The following KCNK17 variants were observed in gnomAD, a reference collection of about 807,000 sequenced individuals.
KCNK17 encodes the protein potassium channel subfamily K member 17.
Under a neutral mutation model 24.6 loss-of-function variants are expected in KCNK17, and 27 were observed. That is an observed-to-expected ratio of 1.10 (90% CI 0.81 to 1.51). The LOEUF (loss-of-function observed/expected upper bound fraction) is 1.51. Ranked by LOEUF, KCNK17 falls within the 40% of genes most tolerant of loss-of-function variation. The pLI is 0.00. For missense variants in KCNK17, 450 were observed against 436.6 expected (o/e 1.03, Z -0.27); for synonymous variants, 181 against 189.8 (o/e 0.95, Z 0.38).
Position 39,304,496 on chromosome 6 carries a change from T to G in KCNK17, c.512A>C (p.Gln171Pro), listed in dbSNP as rs1369456069. Reference protein sequence around the residue: ...HWASRLGGTWQDPDKARWLAG... With the variant: ...HWASRLGGTWPDPDKARWLAG... ...CACCCCGTCCAGCAGCCCCCTCACC[T>G]GCCAGGTGCCCCCCAGCCTGCTGGC... Residue 171 changes from glutamine to proline, a missense_variant and splice_region_variant, in exon 3 of 5, where the codon CAG (glutamine) becomes CCG (proline). Physicochemically the swap from Gln to Pro is moderately conservative, Grantham distance 76. Transcript: ENST00000373231. 5 of 1,611,636 alleles carry G rather than the reference T, an allele frequency of 3.1e-6. No individual in the cohort carries two copies. The highest frequency in any genetic ancestry group is 4.2e-6 in the Non-Finnish European group (5 of 1,177,878).
rs1761914031 is a variant in KCNK17 at position 39,299,547 on chromosome 6, T to A, written c.879A>T (p.Gly293=). The A allele has an allele frequency of 3.1e-6, 5 of 1,614,132 alleles. No individual in the cohort carries two copies. The highest frequency in any genetic ancestry group is 4.2e-6 in the Non-Finnish European group (5 of 1,180,010). ...EDFKSQSWRQ[G]PDREPESHSP... is the part of the protein sequence containing the mutation. ...AGTGGGACTCTGGCTCCCGGTCAGG[T>A]CCCTGTCTCCAGCTTTGGGACTTGA... Residue 293 remains glycine (G), a synonymous_variant, in exon 5 of 5, where the codon GGA becomes GGT. Coordinates refer to ENST00000373231, the MANE Select transcript of KCNK17 (RefSeq NM_031460.4).
rs1205781074 is a variant in KCNK17 at position 39,314,168 on chromosome 6, G to A, written c.153C>T (p.Ser51=). The change falls in exon 1 of 5, where the codon TCC becomes TCT. Residue 51 remains serine (S), a synonymous_variant. Transcript: ENST00000373231. ...ACTTGTCGCGCTGGAAGCTGCGGCT[G>A]GAGTCCTGCGCCGCGCGGCCCTCCA... is the stretch of plus-strand genomic sequence containing the variant. ...WTLEGRAAQD[S]SRSFQRDKWE... The A allele has an allele frequency of 1.3e-6, 2 of 1,566,230 alleles. No homozygotes were observed. Among genetic ancestry groups the A allele is most frequent in the South Asian group, 2.3e-5 (2 of 85,978 alleles).
intron 2 of KCNK17, among the ~76,000 whole-genome samples, chr6:39,310,352 T>C (rs1040356755): frequency 6.6e-6 from 1 of 151,814 alleles, no homozygotes; most frequent in African/African-American, 2.4e-5. Flanking sequence ...AGGGGGCTGT[T>C]TGCAAGCTGA....
intron 2 of KCNK17, among the ~76,000 whole-genome samples, chr6:39,305,642 T>A (rs1305348629): frequency 6.6e-6 from 1 of 152,222 alleles, no homozygotes; most frequent in Non-Finnish European, 1.5e-5. Context: ...TCTTGTCTTA[T>A]TAAAATGCAA....
Position 39,314,119 on chromosome 6 carries a change from A to G in KCNK17, c.202T>C (p.Cys68Arg). Residue 68 changes from cysteine to arginine, a missense_variant, in exon 1 of 5, where the codon TGT becomes CGT. Physicochemically the swap from Cys to Arg is radical, Grantham distance 180. Transcript: ENST00000373231. The part of the protein sequence containing the change: ...DKWELLQNFT[C>R]LDRPALDSLI... ...GAGTCCAGCGCCGGGCGGTCCAGAC[A>G]CGTGAAGTTCTGCAACAGCTCCCAC... is the stretch of plus-strand genomic sequence containing the variant. The G allele has an allele frequency of 6.3e-7, 1 of 1,597,520 alleles. No individual in the cohort carries two copies. Among genetic ancestry groups the G allele is most frequent in the Non-Finnish European group, 8.5e-7 (1 of 1,174,978 alleles).
At chr6:39,312,681 C>T (rs376641109) in intron 1 of KCNK17, among the ~76,000 whole-genome samples, 3 of 152,202 alleles carry the variant, frequency 2.0e-5, no homozygotes, top group African/African-American at 7.2e-5. Context: ...CAGTGCTTGG[C>T]ACACGATAAG....
intron 1 of KCNK17, among the ~76,000 whole-genome samples, chr6:39,312,094 C>G (rs999682814): frequency 6.6e-6 from 1 of 152,116 alleles, no homozygotes; most frequent in African/African-American, 2.4e-5. Context: ...CCAGGAGGAA[C>G]AGAGAGGAGA....
rs185083103 is a variant in KCNK17, at chr6:39,303,941, C to T, written c.688+16G>A. On this transcript the variant is annotated intron_variant, in intron 4 of 4. Coordinates refer to ENST00000373231, the MANE Select transcript of KCNK17 (RefSeq NM_031460.4). Reference sequence around the variant, plus strand: ...AGCCGAATGTCCCCGCCAGCCCAACCGCCAGGAACTCTCACCAATCACGTA... The same window carrying T: ...AGCCGAATGTCCCCGCCAGCCCAACTGCCAGGAACTCTCACCAATCACGTA... The T allele has an allele frequency of 2.7e-4, 433 of 1,608,710 alleles. 2 individuals carry two copies. The African/African-American group carries it at 5.4e-3, about 20-fold the overall frequency.
Position 39,299,348 on chromosome 6 carries a change from T to C in KCNK17, c.*79A>G, listed in dbSNP as rs1017997076. ...TCTAGGGTGGATGGAAAATGTAGTC[T>C]TTAGTTTGGGTGGACATGTGCAAAG... On this transcript the variant is annotated 3_prime_UTR_variant, in exon 5 of 5. Coordinates refer to ENST00000373231, the MANE Select transcript of KCNK17 (RefSeq NM_031460.4). The C allele has an allele frequency of 3.7e-5, 41 of 1,123,186 alleles. No homozygotes were observed. In the African/African-American group the frequency reaches 4.8e-4, roughly 13 times the overall value. The allele number at this position is 1,123,186 out of a possible 1,614,324, so 69.6% of individuals were successfully genotyped here. A position where few individuals can be genotyped will look rare whatever the true frequency, so the allele number is the denominator to read the frequency against.
At chr6:39,310,301 C>T (rs942926252) in intron 2 of KCNK17, among the ~76,000 whole-genome samples, 3 of 152,068 alleles carry the variant, frequency 2.0e-5, no homozygotes, top group African/African-American at 7.2e-5. Context: ...AGGGTTAGTC[C>T]AGGTGTCCCT....
intron 4 of KCNK17, among the ~76,000 whole-genome samples, chr6:39,303,641 G>A (rs968924038): frequency 9.9e-5 from 15 of 152,190 alleles, no homozygotes; most frequent in African/African-American, 3.6e-4. Context: ...TCCATAGGGA[G>A]AGAGTGAAGT....
At position 39,299,272 on chromosome 6, in the gene KCNK17, T is replaced by C. The variant is rs1761901034; in HGVS notation, c.*155A>G. 4.8e-6 allele frequency: 3 copies of C among 620,014 alleles called. No homozygotes were observed. Among genetic ancestry groups the C allele is most frequent in the Non-Finnish European group, 8.4e-6 (3 of 356,776 alleles). The allele number at this position is 620,014 out of a possible 1,614,324, so 38.4% of individuals were successfully genotyped here. A position where few individuals can be genotyped will look rare whatever the true frequency, so the allele number is the denominator to read the frequency against. ...GTCACATCCCATGTCACCCAGGACA[T>C]GTCTCTGTATACCCTATTGGGCAGA... On this transcript the variant is annotated 3_prime_UTR_variant, in exon 5 of 5. Coordinates refer to ENST00000373231, the MANE Select transcript of KCNK17 (RefSeq NM_031460.4).
At chr6:39,305,111 CA>C (rs1360900825) in intron 2 of KCNK17, among the ~76,000 whole-genome samples, 2 of 152,228 alleles carry the variant, frequency 1.3e-5, no homozygotes, top group Non-Finnish European at 2.9e-5. Context: ...CATGCTTGGG[CA>C]CAGTGGGGCA....
Position 39,304,556 on chromosome 6 carries a change from A to G in KCNK17, c.452T>C (p.Leu151Pro). ...TACTCCCTGCTGCATGAGATGCCCC[A>G]GTCGGTTGAGCACCACGAGGTTGAG... Reference protein sequence around the residue: ...IPLNLVVLNRLGHLMQQGVNH... With the variant: ...IPLNLVVLNRPGHLMQQGVNH... The change falls in exon 3 of 5, where the codon CTG becomes CCG. Residue 151 changes from leucine to proline, a missense_variant. Transcript: ENST00000373231. The G allele has an allele frequency of 6.2e-7, 1 of 1,614,108 alleles. No individual in the cohort carries two copies. The highest frequency in any genetic ancestry group is 8.5e-7 in the Non-Finnish European group (1 of 1,179,994).
intron 1 of KCNK17, 64 bp downstream of exon 1, chr6:39,314,020 C>A: frequency 7.7e-7 from 1 of 1,306,640 alleles, no homozygotes; most frequent in Admixed American, 2.3e-5. Flanking sequence ...CGCCCTCGGC[C>A]CGTACACCCC....
intron 4 of KCNK17, among the ~76,000 whole-genome samples, chr6:39,301,486 C>G (rs1761950132): frequency 6.6e-6 from 1 of 152,218 alleles, no homozygotes; most frequent in African/African-American, 2.4e-5. Flanking sequence ...TTGGATTAGG[C>G]TGATTGGGTT....
intron 4 of KCNK17, chr6:39,300,276 C>T: frequency 1.7e-6 from 1 of 572,864 alleles, no homozygotes; most frequent in Non-Finnish European, 3.2e-6. Context: ...GCGCCTGCCG[C>T]CACGCCCGGC....
At chr6:39,305,498 G>T (rs1480904385) in intron 2 of KCNK17, among the ~76,000 whole-genome samples, 1 of 152,070 alleles carries the variant, frequency 6.6e-6, no homozygotes, top group South Asian at 2.1e-4. Flanking sequence ...TAGAAGTTGG[G>T]GGGGTGGTCT....
chr6:39,306,114 G>T (rs1156665574), intron 2 of KCNK17, among the ~76,000 whole-genome samples: 1 of 151,318 alleles, frequency 6.6e-6, no homozygotes, highest in Non-Finnish European at 1.5e-5. Flanking sequence ...CACAATCTTG[G>T]CTCACTGCAA....
Sources: allele counts gnomAD v4.1 joint callset (sites outside exome capture counted in the v4.1 genomes callset), GRCh38; gene constraint gnomAD v4.1.1; transcripts MANE v1.5; gene names NCBI Gene and HGNC (gene_info 2026-07-23, HGNC 2026-07-21).